ZNF519: variants seen among roughly 807,000 people sequenced by gnomAD.
The protein encoded by ZNF519 is similar to Zinc finger protein 85 (Zinc finger protein HPF4) (HTF1).
Under a neutral mutation model 7.4 loss-of-function variants are expected in ZNF519, and 7 were observed. The ratio of observed to expected loss-of-function variants is 0.94; its 90% confidence interval spans 0.54 to 1.77. ZNF519 has a LOEUF of 1.77. Among genes scored for constraint, ZNF519 ranks in the 40% most tolerant of loss-of-function variants. The pLI is 0.00. For synonymous variants in ZNF519, 179 were observed against 203.3 expected (o/e 0.88, Z 1.02); for missense variants, 586 against 623.1 (o/e 0.94, Z 0.63).
intron 2 of ZNF519, among the ~76,000 whole-genome samples, chr18:14,109,064 A>G (rs1189543315): frequency 6.6e-6 from 1 of 151,708 alleles, no homozygotes; most frequent in African/African-American, 2.4e-5. Flanking sequence ...CCCAGATTGC[A>G]CCATTGTACT....
At chr18:14,097,428 A>C (rs534621094), downstream of ZNF519, among the ~76,000 whole-genome samples, 1 of 152,190 alleles carries the variant, frequency 6.6e-6, no homozygotes, top group East Asian at 1.9e-4. Flanking sequence ...GCCTGTGCCC[A>C]CATCATCACC....
intron 2 of ZNF519, among the ~76,000 whole-genome samples, chr18:14,106,933 C>T (rs1053276278): frequency 2.0e-5 from 3 of 152,112 alleles, no homozygotes; most frequent in Admixed American, 1.3e-4. Context: ...GAGGAATCAC[C>T]CTTCCCGGTG....
At position 14,124,405 on chromosome 18, in the gene ZNF519, T is replaced by C. The variant is rs1305444106; in HGVS notation, c.75A>G (p.Gln25=). Residue 25 remains glutamine, a synonymous_variant, in exon 2 of 3, where the codon CAA becomes CAG. Coordinates refer to ENST00000590202, the MANE Select transcript of ZNF519 (RefSeq NM_145287.4). ...ACATCACATCTCTATATAAATTCTG[T>C]TGGGCAGGGTCTAGGCATTTCCACT... The part of the protein sequence containing the change: ...PEEWKCLDPA[Q]QNLYRDVMLE... 3.1e-6 allele frequency: 5 copies of C among 1,612,782 alleles called. No individual in the cohort carries two copies. The highest frequency in any genetic ancestry group is 1.1e-5 in the South Asian group (1 of 90,824).
chr18:14,088,590 CTGG>C (rs1294535285), intron 2 of ZNF519, among the ~76,000 whole-genome samples: 3 of 152,122 alleles, frequency 2.0e-5, no homozygotes, highest in Non-Finnish European at 4.4e-5. Context: ...AAAATGAGTT[CTGG>C]CATATCCATC....
intron 2 of ZNF519, among the ~76,000 whole-genome samples, chr18:14,086,253 T>C (rs1325200604): frequency 6.6e-6 from 1 of 152,192 alleles, no homozygotes; most frequent in African/African-American, 2.4e-5. Context: ...ACTGGACTTG[T>C]CACAGTGCCA....
chr18:14,123,140 A>G (rs1041589725), intron 2 of ZNF519: 6 of 245,992 alleles, frequency 2.4e-5, no homozygotes, highest in African/African-American at 4.7e-5. Flanking sequence ...TGTCTCATCT[A>G]TCTTCAAATT....
At chr18:14,076,726 A>G (rs1401331118) in exon 5 of ZNF519, 1 of 152,202 alleles carries the variant, frequency 6.6e-6, no homozygotes. Flanking sequence ...TTTTAAAAAC[A>G]GAGCAAATAT....
At chr18:14,087,797 G>T (rs2046097614) in intron 2 of ZNF519, among the ~76,000 whole-genome samples, 1 of 152,002 alleles carries the variant, frequency 6.6e-6, no homozygotes, top group African/African-American at 2.4e-5. Flanking sequence ...TTATCATATA[G>T]GTCAACAATA....
chr18:14,113,614 G>A (rs2046232514), intron 2 of ZNF519, among the ~76,000 whole-genome samples: 1 of 152,020 alleles, frequency 6.6e-6, no homozygotes, highest in African/African-American at 2.4e-5. Context: ...AAATGGAGGT[G>A]CAAATCTCTC....
At chr18:14,128,247 C>T (rs557330258) in intron 1 of ZNF519, among the ~76,000 whole-genome samples, 46 of 152,082 alleles carry the variant, frequency 3.0e-4, no homozygotes, top group South Asian at 2.5e-3. Context: ...GCGCCGAGAT[C>T]GCACCACTGC....
chr18:14,096,086 G>A (rs941009075), downstream of ZNF519, among the ~76,000 whole-genome samples: 4 of 152,260 alleles, frequency 2.6e-5, no homozygotes, highest in African/African-American at 9.6e-5. Context: ...ACAGGACCTG[G>A]CCTGAGGTCA....
chr18:14,107,735 C>T (rs2046200559), intron 2 of ZNF519, among the ~76,000 whole-genome samples: 8 of 152,144 alleles, frequency 5.3e-5, no homozygotes, highest in Admixed American at 5.2e-4. Context: ...GCATCATTCA[C>T]TACAAGTGAA....
At chr18:14,107,663 C>T (rs1346918567) in intron 2 of ZNF519, among the ~76,000 whole-genome samples, 3 of 152,234 alleles carry the variant, frequency 2.0e-5, no homozygotes. Flanking sequence ...TTGGATGGCA[C>T]TTCTGGACCT....
chr18:14,129,620 T>A (rs921668849), intron 1 of ZNF519, among the ~76,000 whole-genome samples: 3 of 152,056 alleles, frequency 2.0e-5, no homozygotes, highest in Non-Finnish European at 4.4e-5. Flanking sequence ...ACACAAAACG[T>A]AAGGAGTTTG....
intron 2 of ZNF519, among the ~76,000 whole-genome samples, chr18:14,110,893 G>T (rs1320586716): frequency 2.0e-5 from 3 of 152,126 alleles, no homozygotes; most frequent in African/African-American, 7.2e-5. Context: ...ACTTGAGGGG[G>T]AAGGCTGGGA....
rs2046166918 is a variant in ZNF519 at position 14,102,457 on chromosome 18, C to CT, written c.*2459dup. 6.6e-6 allele frequency: 1 copy of CT among 152,202 alleles called. No homozygotes were observed. Among genetic ancestry groups the CT allele is most frequent in the African/African-American group, 2.4e-5 (1 of 41,422 alleles). 9.4% of individuals were successfully genotyped at this position (152,202 alleles called of 1,614,324 possible). A position where few individuals can be genotyped will look rare whatever the true frequency, so the allele number is the denominator to read the frequency against. ...GTGCTGGGATTACAGGCATTAGCCA[C>CT]TACGCCTGCCCCTGTCTTTCACTTT... On this transcript the variant is annotated 3_prime_UTR_variant, in exon 3 of 3. Coordinates refer to ENST00000590202, the MANE Select transcript of ZNF519 (RefSeq NM_145287.4).
At chr18:14,120,295 A>C (rs1324423469) in intron 2 of ZNF519, among the ~76,000 whole-genome samples, 1 of 152,212 alleles carries the variant, frequency 6.6e-6, no homozygotes, top group Non-Finnish European at 1.5e-5. Flanking sequence ...TATACAATGC[A>C]GAAAGTATAG....
chr18:14,113,914 A>G (rs1320941945), intron 2 of ZNF519, among the ~76,000 whole-genome samples: 1 of 152,182 alleles, frequency 6.6e-6, no homozygotes, highest in Non-Finnish European at 1.5e-5. Flanking sequence ...ACCTTGTCAC[A>G]TGCACTGTTA....
chr18:14,088,333 G>A (rs2046100132), intron 2 of ZNF519, among the ~76,000 whole-genome samples: 1 of 152,176 alleles, frequency 6.6e-6, no homozygotes, highest in African/African-American at 2.4e-5. Context: ...CGAAACCCAA[G>A]CAGTCCTGCA....
Sources: allele counts gnomAD v4.1 joint callset (sites outside exome capture counted in the v4.1 genomes callset), GRCh38; gene constraint gnomAD v4.1.1; transcripts MANE v1.5; gene names NCBI Gene and HGNC (gene_info 2026-07-23, HGNC 2026-07-21).